ARB2A: variants seen among roughly 807,000 people sequenced by gnomAD.
The protein encoded by ARB2A is cotranscriptional regulator ARB2A.
chr5:93,968,884 GAC>G, the ARB2A span, among the ~76,000 whole-genome samples: 1 of 151,954 alleles, frequency 6.6e-6, no homozygotes, highest in Non-Finnish European at 1.5e-5. Context: ...TAAGCAAGAA[GAC>G]AGAGGAGGGA....
At chr5:93,994,712 G>A in the ARB2A span, among the ~76,000 whole-genome samples, 1 of 151,524 alleles carries the variant, frequency 6.6e-6, no homozygotes, top group Non-Finnish European at 1.5e-5. Flanking sequence ...AAGAAGCCTG[G>A]GCAACATGGC....
chr5:94,110,910 G>T, the ARB2A span, among the ~76,000 whole-genome samples: 36 of 152,220 alleles, frequency 2.4e-4, no homozygotes, highest in African/African-American at 8.7e-4. Context: ...AACAGATATA[G>T]ACCCTGGAGC....
the ARB2A span, among the ~76,000 whole-genome samples, chr5:93,971,814 C>T: frequency 6.6e-6 from 1 of 151,918 alleles, no homozygotes; most frequent in Non-Finnish European, 1.5e-5. Flanking sequence ...GGATAGTGCC[C>T]CACCAGGTCT....
the ARB2A span, among the ~76,000 whole-genome samples, chr5:94,040,936 A>G: frequency 6.6e-6 from 1 of 152,168 alleles, no homozygotes; most frequent in Non-Finnish European, 1.5e-5. Flanking sequence ...AAGGAAAAAG[A>G]TAACTTTCCT....
At chr5:93,636,107 T>C in the ARB2A span, among the ~76,000 whole-genome samples, 1 of 152,216 alleles carries the variant, frequency 6.6e-6, no homozygotes, top group Non-Finnish European at 1.5e-5. Flanking sequence ...TATGGATAAA[T>C]CATTATATGA....
chr5:93,701,941 T>C, the ARB2A span, among the ~76,000 whole-genome samples: 2 of 152,166 alleles, frequency 1.3e-5, no homozygotes, highest in African/African-American at 2.4e-5. Context: ...TTAATCTACT[T>C]TGAACTGCCC....
At chr5:93,909,782 C>G in the ARB2A span, among the ~76,000 whole-genome samples, 1 of 150,448 alleles carries the variant, frequency 6.6e-6, no homozygotes, top group African/African-American at 2.4e-5. Context: ...GAATAAAGAA[C>G]AAAACCAATG....
At chr5:93,753,798 G>T in the ARB2A span, among the ~76,000 whole-genome samples, 17 of 152,284 alleles carry the variant, frequency 1.1e-4, 1 homozygote, top group East Asian at 3.3e-3. Flanking sequence ...TGTAAGTTCT[G>T]GGAGAAAATA....
chr5:93,818,958 C>T, the ARB2A span, among the ~76,000 whole-genome samples: 2 of 151,830 alleles, frequency 1.3e-5, no homozygotes, highest in East Asian at 1.9e-4. Context: ...GAGGCCGAGA[C>T]GGGCGGATCA....
the ARB2A span, among the ~76,000 whole-genome samples, chr5:94,083,064 T>G: frequency 6.6e-6 from 1 of 152,178 alleles, no homozygotes; most frequent in Non-Finnish European, 1.5e-5. Flanking sequence ...CAAAATATTT[T>G]TTTCCCACAA....
At chr5:93,915,859 G>A in the ARB2A span, among the ~76,000 whole-genome samples, 154 of 152,156 alleles carry the variant, frequency 1.0e-3, no homozygotes, top group Non-Finnish European at 1.9e-3. Context: ...ATTCTATATA[G>A]AAGCATTCCA....
chr5:93,706,834 C>G, the ARB2A span, among the ~76,000 whole-genome samples: 3 of 149,644 alleles, frequency 2.0e-5, no homozygotes, highest in Non-Finnish European at 1.5e-5. Context: ...CCACTGCACC[C>G]TAGCCTGGCA....
At chr5:93,786,407 T>A in the ARB2A span, among the ~76,000 whole-genome samples, 6 of 152,232 alleles carry the variant, frequency 3.9e-5, no homozygotes, top group Non-Finnish European at 8.8e-5. Flanking sequence ...ACGCAATTTA[T>A]CATCACATCA....
the ARB2A span, among the ~76,000 whole-genome samples, chr5:94,069,839 A>G: frequency 6.6e-6 from 1 of 152,162 alleles, no homozygotes; most frequent in Non-Finnish European, 1.5e-5. Flanking sequence ...ACTGTTGTTA[A>G]GAATGTAAAT....
the ARB2A span, among the ~76,000 whole-genome samples, chr5:93,925,746 A>G: frequency 1.3e-5 from 2 of 152,210 alleles, no homozygotes; most frequent in South Asian, 4.1e-4. Context: ...GATATGTTGA[A>G]AAAGCTCAAC....
the ARB2A span, among the ~76,000 whole-genome samples, chr5:93,830,311 G>GTATATATATATATATATA: frequency 4.9e-5 from 4 of 82,268 alleles, no homozygotes; most frequent in African/African-American, 1.6e-4. Flanking sequence ...GTGTGTGTGT[G>GTATATATATATATATATA]TATATATATA....
chr5:94,014,329 G>T, the ARB2A span, among the ~76,000 whole-genome samples: 10 of 152,292 alleles, frequency 6.6e-5, no homozygotes, highest in Middle Eastern at 3.4e-3. Context: ...TGGAACTGAG[G>T]TAAACATGGG....
chr5:93,757,266 G>A, the ARB2A span, among the ~76,000 whole-genome samples: 1 of 152,274 alleles, frequency 6.6e-6, no homozygotes, highest in East Asian at 1.9e-4. Context: ...TGGTGTTCCT[G>A]AGGAAGAAGA....
At chr5:93,957,286 T>C in the ARB2A span, among the ~76,000 whole-genome samples, 1 of 152,150 alleles carries the variant, frequency 6.6e-6, no homozygotes, top group East Asian at 1.9e-4. Flanking sequence ...ACAACATAAC[T>C]ACATAAAATA....
Sources: allele counts gnomAD v4.1 joint callset (sites outside exome capture counted in the v4.1 genomes callset), GRCh38; gene constraint gnomAD v4.1.1; transcripts MANE v1.5; gene names NCBI Gene and HGNC (gene_info 2026-07-23, HGNC 2026-07-21).